Variants in FRMD6 observed in about 807,000 individuals in gnomAD.
The protein encoded by FRMD6 is FERM domain containing 6.
A neutral mutation model predicts 73.2 loss-of-function variants in FRMD6; 37 were observed. That is an observed-to-expected ratio of 0.51 (90% CI 0.39 to 0.66). FRMD6 has a LOEUF of 0.66. Ranked by LOEUF, FRMD6 falls within the 30% of genes least tolerant of loss-of-function variation. The pLI is 0.00. For synonymous variants in FRMD6, 273 were observed against 282.2 expected (o/e 0.97, Z 0.33); for missense variants, 714 against 780.5 (o/e 0.91, Z 1.02).
At chr14:51,694,063 TGTTCCCTGACAGGTGTG>T (rs1566571253) in intron 2 of FRMD6, among the ~76,000 whole-genome samples, 1 of 152,376 alleles carries the variant, frequency 6.6e-6, no homozygotes. Flanking sequence ...AATGAAAGTT[TGTTCCCTGACAGGTGTG>T]GTTGATAGAA....
the FRMD6 span, among the ~76,000 whole-genome samples, chr14:51,447,364 T>A: frequency 6.6e-6 from 1 of 152,186 alleles, no homozygotes; most frequent in African/African-American, 2.4e-5. Flanking sequence ...CTTACCTGTG[T>A]GCTGCCTGCT....
intron 1 of FRMD6, among the ~76,000 whole-genome samples, chr14:51,665,555 T>C (rs1893525120): frequency 6.6e-6 from 1 of 152,222 alleles, no homozygotes; most frequent in African/African-American, 2.4e-5. Context: ...TGTCACATCA[T>C]TGGAACTTAG....
intron 1 of FRMD6, among the ~76,000 whole-genome samples, chr14:51,520,740 A>G (rs1245999718): frequency 1.3e-5 from 2 of 152,030 alleles, no homozygotes; most frequent in Non-Finnish European, 2.9e-5. Context: ...TCTACAAAAA[A>G]TTCAAAAATT....
chr14:51,507,880 G>A lies in FRMD6; in HGVS notation c.-210+18460G>A, dbSNP rs554606235. On this transcript the variant is annotated intron_variant, in intron 1 of 14. Transcript: ENST00000356218. ...CACAGGATGGCTTGATCACACCTCT[G>A]GGCCAGGCAGGAAGTCAGGAGACCC... Among the ~76,000 whole-genome samples the A allele has an allele frequency of 1.6e-4, 25 of 152,258 alleles. No homozygotes were observed. In the South Asian group the frequency reaches 5.0e-3, roughly 30 times the overall value.
At chr14:51,409,340 C>CTTTTT in the FRMD6 span, among the ~76,000 whole-genome samples, 5 of 84,136 alleles carry the variant, frequency 5.9e-5, no homozygotes, top group African/African-American at 1.9e-4. Flanking sequence ...AAGTTTTTTG[C>CTTTTT]TTTTTTTTTT....
intron 1 of FRMD6, among the ~76,000 whole-genome samples, chr14:51,556,608 G>A (rs1378139943): frequency 6.6e-6 from 1 of 152,110 alleles, no homozygotes; most frequent in Non-Finnish European, 1.5e-5. Flanking sequence ...AGGCGACAGG[G>A]GTATTGGCCT....
intron 2 of FRMD6, among the ~76,000 whole-genome samples, chr14:51,575,168 T>C (rs1234989978): frequency 6.6e-6 from 1 of 152,218 alleles, no homozygotes; most frequent in Non-Finnish European, 1.5e-5. Flanking sequence ...CTTTCATTGC[T>C]GAGAATGGCT....
rs1369999259 is a variant in FRMD6, at chr14:51,665,054, G to A, written c.-147+13058G>A. ...TCTTAGGGTGGAATTCATCATGCCA[G>A]CCCAGAGTTGCAAGCCTGTGGCCCA... On this transcript the variant is annotated intron_variant, in intron 1 of 13. Coordinates refer to ENST00000344768, the MANE Select transcript of FRMD6 (RefSeq NM_001267046.2). Among the ~76,000 whole-genome samples the A allele has an allele frequency of 2.0e-5, 3 of 152,310 alleles. No individual in the cohort carries two copies. The South Asian group carries it at 6.2e-4, about 32-fold the overall frequency.
intron 2 of FRMD6, among the ~76,000 whole-genome samples, chr14:51,575,419 G>A (rs56335140): frequency 0.024 from 3,604 of 152,282 alleles, 128 homozygotes; most frequent in African/African-American, 0.078. Context: ...AGCGGAGGGG[G>A]CCACCTGGCT....
chr14:51,654,580 GTTT>G (rs1203391410), intron 1 of FRMD6, among the ~76,000 whole-genome samples: 1 of 141,296 alleles, frequency 7.1e-6, no homozygotes, highest in African/African-American at 2.6e-5. Flanking sequence ...AAAGTTGTGG[GTTT>G]TTTTTTTTTT....
chr14:51,595,166 A>G (rs143760577), intron 2 of FRMD6, among the ~76,000 whole-genome samples: 368 of 152,296 alleles, frequency 2.4e-3, no homozygotes, highest in Non-Finnish European at 3.8e-3. Flanking sequence ...TGCTTAAGCA[A>G]TGTGATTTGA....
At chr14:51,412,776 G>A in the FRMD6 span, among the ~76,000 whole-genome samples, 6 of 151,732 alleles carry the variant, frequency 4.0e-5, no homozygotes, top group South Asian at 2.1e-4. Context: ...GACATGAACC[G>A]GGGAGGCGCA....
At chr14:51,705,297 G>T (rs1212115050) in intron 6 of FRMD6, among the ~76,000 whole-genome samples, 1 of 151,914 alleles carries the variant, frequency 6.6e-6, no homozygotes, top group Non-Finnish European at 1.5e-5. Flanking sequence ...ATTATTCCTC[G>T]CTTTCCTTTG....
At chr14:51,467,776 G>T in the FRMD6 span, among the ~76,000 whole-genome samples, 1 of 151,374 alleles carries the variant, frequency 6.6e-6, no homozygotes, top group Non-Finnish European at 1.5e-5. Context: ...ACGGGATGAC[G>T]GCCAGGAAGA....
At chr14:51,528,540 G>A (rs1596543014) in intron 1 of FRMD6, among the ~76,000 whole-genome samples, 1 of 152,108 alleles carries the variant, frequency 6.6e-6, no homozygotes, top group East Asian at 1.9e-4. Context: ...GTCCCCAAAG[G>A]TAAAACACCA....
chr14:51,701,160 G>A lies in FRMD6; in HGVS notation c.294+1G>A. Reference sequence around the variant, plus strand: ...GGTACGACAATACGAAGTCACTTGGGTGAGATTACATTTATAAGCAAAATT... The same window carrying A: ...GGTACGACAATACGAAGTCACTTGGATGAGATTACATTTATAAGCAAAATT... On this transcript the variant is annotated splice_donor_variant, in intron 4 of 13. Coordinates refer to ENST00000344768, the MANE Select transcript of FRMD6 (RefSeq NM_001267046.2). LOFTEE classifies it high-confidence loss of function. 6.5e-7 allele frequency: 1 copy of A among 1,526,998 alleles called. No homozygotes were observed. The highest frequency in any genetic ancestry group is 1.2e-5 in the South Asian group (1 of 80,316). 94.6% of individuals were successfully genotyped at this position (1,526,998 alleles called of 1,614,324 possible).
At chr14:51,706,430 C>A (rs1322112088) in intron 6 of FRMD6, among the ~76,000 whole-genome samples, 2 of 152,048 alleles carry the variant, frequency 1.3e-5, no homozygotes, top group Admixed American at 1.3e-4. Flanking sequence ...GAGTGAAGCT[C>A]AGGCTCCCAT....
At chr14:51,420,528 C>T in the FRMD6 span, among the ~76,000 whole-genome samples, 2 of 152,210 alleles carry the variant, frequency 1.3e-5, no homozygotes, top group Admixed American at 1.3e-4. Flanking sequence ...ACACTTGGCC[C>T]TCCACATCTG....
chr14:51,559,200 CT>C (rs1887333837), intron 1 of FRMD6, among the ~76,000 whole-genome samples: 3 of 152,230 alleles, frequency 2.0e-5, no homozygotes, highest in African/African-American at 7.2e-5. Flanking sequence ...AGAGAATATA[CT>C]AACTCTCACT....
Sources: gnomAD v4.1 joint callset for allele counts (sites outside exome capture counted in the v4.1 genomes callset) on GRCh38, gnomAD v4.1.1 for gene constraint, MANE v1.5 for transcripts, NCBI Gene and HGNC (gene_info 2026-07-23, HGNC 2026-07-21) for gene names.